CR1L: variants seen among roughly 807,000 people sequenced by gnomAD.
CR1L encodes the protein complement component receptor 1-like protein.
Under a neutral mutation model 62.3 loss-of-function variants are expected in CR1L, and 59 were observed. The observed-to-expected ratio is 0.95, with a 90% CI of 0.77 to 1.18. The LOEUF (loss-of-function observed/expected upper bound fraction) is 1.18. CR1L is among the 50% of genes most tolerant of loss of function. CR1L has a pLI of 0.00. For synonymous variants in CR1L, 279 were observed against 248.7 expected (o/e 1.12, Z -1.15); for missense variants, 700 against 702.8 (o/e 1.00, Z 0.04).
At position 207,694,551 on chromosome 1, in the gene CR1L, C is replaced by G; in HGVS notation, c.662C>G (p.Ala221Gly). The G allele has an allele frequency of 6.2e-7, 1 of 1,612,504 alleles. No individual in the cohort carries two copies. The highest frequency in any genetic ancestry group is 2.2e-5 in the East Asian group (1 of 44,900). The change falls in exon 5 of 12, where the codon GCC (alanine) becomes GGC (glycine). Residue 221 changes from alanine to glycine, a missense_variant. Coordinates refer to ENST00000508064, the MANE Select transcript of CR1L (RefSeq NM_175710.2). ...DDQVGIWSGP[A>G]PQCIIPNKCT... ...CAAGTGGGCATCTGGAGTGGCCCAG[C>G]CCCTCAGTGCATTATACCTAACAAA...
At chr1:207,652,736 G>C in intron 1 of CR1L, 1 of 783,110 alleles carries the variant, frequency 1.3e-6, no homozygotes, top group Non-Finnish European at 2.3e-6. Context: ...CCCTGTTATA[G>C]TAAATAAACT....
chr1:207,680,086 C>T (rs1438504196), intron 3 of CR1L, among the ~76,000 whole-genome samples: 1 of 152,000 alleles, frequency 6.6e-6, no homozygotes, highest in East Asian at 1.9e-4. Flanking sequence ...AAGAGTGGAC[C>T]CTAAGATAAA....
chr1:207,714,160 C>G (rs1360388382), intron 10 of CR1L, among the ~76,000 whole-genome samples: 1 of 152,180 alleles, frequency 6.6e-6, no homozygotes, highest in Non-Finnish European at 1.5e-5. Flanking sequence ...AGAAGAGACA[C>G]AAGGGTGGAC....
intron 4 of CR1L, among the ~76,000 whole-genome samples, chr1:207,690,899 A>G (rs1301470880): frequency 1.3e-5 from 2 of 152,196 alleles, no homozygotes; most frequent in African/African-American, 2.4e-5. Flanking sequence ...AAGACACTGG[A>G]CATGGATTTA....
intron 1 of CR1L, among the ~76,000 whole-genome samples, chr1:207,665,296 C>T (rs1413554064): frequency 6.6e-6 from 1 of 152,118 alleles, no homozygotes; most frequent in African/African-American, 2.4e-5. Flanking sequence ...CCTTGTGATC[C>T]ATCTGCCTTG....
intron 1 of CR1L, among the ~76,000 whole-genome samples, chr1:207,656,628 T>C (rs551458410): frequency 1.3e-5 from 2 of 152,156 alleles, no homozygotes; most frequent in South Asian, 2.1e-4. Flanking sequence ...ACAACAACCA[T>C]TGGGAAAGGC....
At chr1:207,693,721 C>T (rs1219669494) in intron 4 of CR1L, among the ~76,000 whole-genome samples, 2 of 151,564 alleles carry the variant, frequency 1.3e-5, no homozygotes, top group Admixed American at 1.3e-4. Flanking sequence ...CATTTGGAAG[C>T]ATCTGTTACT....
At chr1:207,657,433 G>A (rs1663334664) in intron 1 of CR1L, 2 of 571,046 alleles carry the variant, frequency 3.5e-6, no homozygotes, top group Non-Finnish European at 6.2e-6. Flanking sequence ...TGTGTAATTG[G>A]ATCTAATTTA....
At chr1:207,700,087 T>A (rs908531207) in intron 8 of CR1L, among the ~76,000 whole-genome samples, 1 of 152,200 alleles carries the variant, frequency 6.6e-6, no homozygotes, top group Non-Finnish European at 1.5e-5. Context: ...TTTCTCCTAG[T>A]CTACCCATTT....
chr1:207,675,321 G>A (rs1331627362), intron 1 of CR1L, among the ~76,000 whole-genome samples: 1 of 152,124 alleles, frequency 6.6e-6, no homozygotes, highest in African/African-American at 2.4e-5. Context: ...TCCCTGAGAG[G>A]GTCAGGGAAG....
intron 9 of CR1L, among the ~76,000 whole-genome samples, chr1:207,707,568 C>T (rs1664286915): frequency 6.6e-6 from 1 of 152,108 alleles, no homozygotes; most frequent in South Asian, 2.1e-4. Context: ...GCAGAGGTTG[C>T]AGTGAGCAGA....
chr1:207,714,951 A>G (rs776668506), intron 10 of CR1L, among the ~76,000 whole-genome samples: 2 of 152,208 alleles, frequency 1.3e-5, no homozygotes, highest in Non-Finnish European at 2.9e-5. Context: ...TCAGAGAGCC[A>G]TCAATGAAAG....
intron 1 of CR1L, among the ~76,000 whole-genome samples, chr1:207,656,511 G>A (rs529200567): frequency 6.6e-6 from 1 of 152,284 alleles, no homozygotes; most frequent in East Asian, 1.9e-4. Context: ...AAATGCCTGA[G>A]ACTGGGTAAT....
intron 10 of CR1L, among the ~76,000 whole-genome samples, chr1:207,712,393 T>G (rs1664372842): frequency 6.6e-6 from 1 of 152,232 alleles, no homozygotes; most frequent in South Asian, 2.1e-4. Context: ...AGGTGAATTT[T>G]GGGCCATGTG....
At chr1:207,715,520 G>T (rs551427184) in intron 10 of CR1L, 3 of 527,642 alleles carry the variant, frequency 5.7e-6, no homozygotes, top group Non-Finnish European at 1.0e-5. Context: ...ATACTTCTCT[G>T]TTGGAAGAAT....
intron 7 of CR1L, among the ~76,000 whole-genome samples, chr1:207,698,302 T>G (rs930302519): frequency 2.6e-5 from 4 of 152,190 alleles, no homozygotes; most frequent in African/African-American, 9.7e-5. Flanking sequence ...AGTAAATTCT[T>G]TAAACCATCA....
At chr1:207,671,454 T>C (rs74401244) in intron 1 of CR1L, among the ~76,000 whole-genome samples, 9,593 of 151,006 alleles carry the variant, frequency 0.064, 714 homozygotes, top group East Asian at 0.36. Context: ...GATTGTTTTG[T>C]CATTAGAGGG....
intron 4 of CR1L, among the ~76,000 whole-genome samples, chr1:207,686,823 G>A (rs146105136): frequency 5.9e-4 from 90 of 152,250 alleles, no homozygotes; most frequent in African/African-American, 2.1e-3. Flanking sequence ...CCTTTGGAAG[G>A]TGATGAGATC....
At chr1:207,655,118 A>G in intron 1 of CR1L, 1 of 382,392 alleles carries the variant, frequency 2.6e-6, no homozygotes, top group Non-Finnish European at 5.0e-6. Flanking sequence ...TAAACCATAT[A>G]AAAAGTTCCT....
Sources: allele counts gnomAD v4.1 joint callset (sites outside exome capture counted in the v4.1 genomes callset), GRCh38; gene constraint gnomAD v4.1.1; transcripts MANE v1.5; gene names NCBI Gene and HGNC (gene_info 2026-07-23, HGNC 2026-07-21).